CAMTA1: variants seen among roughly 807,000 people sequenced by gnomAD.
CAMTA1 encodes calmodulin binding transcription activator 1.
Under a neutral mutation model 170.9 loss-of-function variants are expected in CAMTA1, and 27 were observed. The observed-to-expected ratio is 0.16, with a 90% CI of 0.12 to 0.22. The LOEUF (loss-of-function observed/expected upper bound fraction) is 0.22. Ranked by LOEUF, CAMTA1 falls within the 10% of genes least tolerant of loss-of-function variation. The pLI, the probability that CAMTA1 is intolerant of heterozygous loss-of-function variation, is 1.00. For missense variants in CAMTA1, 1,619 were observed against 2,217.2 expected (o/e 0.73, Z 5.42); for synonymous variants, 833 against 891.5 (o/e 0.93, Z 1.17).
chr1:7,104,326 CAT>C (rs980829593), intron 4 of CAMTA1, among the ~76,000 whole-genome samples: 18 of 151,878 alleles, frequency 1.2e-4, no homozygotes, highest in African/African-American at 3.6e-4. Context: ...GAAACACACA[CAT>C]ATACATACAT....
At chr1:6,870,788 A>C (rs1332268988) in intron 3 of CAMTA1, among the ~76,000 whole-genome samples, 1 of 152,224 alleles carries the variant, frequency 6.6e-6, no homozygotes, top group African/African-American at 2.4e-5. Flanking sequence ...TCTAGTAAGC[A>C]CTAAGGAATT....
Position 7,747,762 on chromosome 1 carries a change from G to A in CAMTA1, c.4670G>A (p.Cys1557Tyr). The change falls in exon 19 of 23, where the codon TGT (cysteine) becomes TAT (tyrosine). Residue 1557 changes from cysteine to tyrosine, a missense_variant. Transcript: ENST00000303635. ...GTAGCTGCTGCTGTTATTCAGCGTT[G>A]TTACAGAAAATATAAACAGGTAAAC... The part of the protein sequence containing the change: ...QEVAAAVIQR[C>Y]YRKYKQYALY... 5 of 1,612,530 alleles carry A rather than the reference G, an allele frequency of 3.1e-6. No individual in the cohort carries two copies. Among genetic ancestry groups the A allele is most frequent in the Non-Finnish European group, 4.2e-6 (5 of 1,179,396 alleles).
chr1:6,853,953 A>G (rs1661317321), intron 3 of CAMTA1, among the ~76,000 whole-genome samples: 1 of 152,230 alleles, frequency 6.6e-6, no homozygotes, highest in African/African-American at 2.4e-5. Flanking sequence ...ACAAATCTGC[A>G]ATTCATAGTG....
chr1:7,730,578 A>G (rs1558238775), intron 11 of CAMTA1, among the ~76,000 whole-genome samples: 1 of 152,044 alleles, frequency 6.6e-6, no homozygotes, highest in Non-Finnish European at 1.5e-5. Flanking sequence ...TCGCTATTGA[A>G]TATCTGGCAC....
chr1:7,677,572 G>C lies in CAMTA1; in HGVS notation c.2780-27G>C, dbSNP rs781366703. On this transcript the variant is annotated intron_variant, in intron 10 of 22. Transcript: ENST00000303635. ...GGCTGTAGGTACCCACCCATCCCTT[G>C]ACCTGGTCTTTTTCTCTCGCTTTCA... The C allele has an allele frequency of 3.1e-6, 5 of 1,608,524 alleles. No homozygotes were observed. In the Admixed American group the frequency reaches 8.4e-5, roughly 27 times the overall value.
chr1:7,589,509 C>A (rs528410777), intron 6 of CAMTA1, among the ~76,000 whole-genome samples: 12 of 152,186 alleles, frequency 7.9e-5, no homozygotes, highest in Non-Finnish European at 1.8e-4. Flanking sequence ...GCGCTTGTGG[C>A]TTGACGGCTT....
chr1:7,271,155 A>C (rs1669737915), intron 5 of CAMTA1, among the ~76,000 whole-genome samples: 1 of 152,136 alleles, frequency 6.6e-6, no homozygotes, highest in African/African-American at 2.4e-5. Flanking sequence ...ATAGGGATGT[A>C]CCCTTGATCC....
chr1:7,569,837 G>A (rs1245742237), intron 6 of CAMTA1, among the ~76,000 whole-genome samples: 3 of 151,882 alleles, frequency 2.0e-5, no homozygotes, highest in African/African-American at 7.3e-5. Context: ...TATTATTACT[G>A]TACCACCCAG....
chr1:7,091,638 T>G (rs577619102), intron 4 of CAMTA1, among the ~76,000 whole-genome samples: 2 of 152,348 alleles, frequency 1.3e-5, no homozygotes, highest in African/African-American at 4.8e-5. Context: ...CTTGGAAGGC[T>G]TCACAGGCAG....
intron 4 of CAMTA1, among the ~76,000 whole-genome samples, chr1:7,240,674 A>G (rs1192966110): frequency 6.6e-6 from 1 of 151,918 alleles, no homozygotes; most frequent in Non-Finnish European, 1.5e-5. Context: ...GGCATGTGCC[A>G]CCACACTTTG....
intron 6 of CAMTA1, among the ~76,000 whole-genome samples, chr1:7,574,094 C>T (rs2095159547): frequency 8.4e-6 from 1 of 119,030 alleles, no homozygotes; most frequent in Admixed American, 7.3e-5. Context: ...CATAAAGGCT[C>T]AATTTACCTG....
chr1:7,394,821 GTGTGTGTGTGTGTGTGTGTGTC>G (rs1290476302), intron 5 of CAMTA1, among the ~76,000 whole-genome samples: 2 of 140,776 alleles, frequency 1.4e-5, no homozygotes, highest in Non-Finnish European at 3.0e-5. Context: ...TTGTGTGTGT[GTGTGTGTGTGTGTGTGTGTGTC>G]TGTGTGTGTG....
intron 3 of CAMTA1, among the ~76,000 whole-genome samples, chr1:6,860,061 CTTCG>C (rs1239171638): frequency 6.6e-6 from 1 of 151,704 alleles, no homozygotes; most frequent in African/African-American, 2.4e-5. Flanking sequence ...CTAGTAGGTT[CTTCG>C]TTCTTTTTCT....
At chr1:6,810,173 G>T (rs987855911) in intron 1 of CAMTA1, among the ~76,000 whole-genome samples, 1 of 152,222 alleles carries the variant, frequency 6.6e-6, no homozygotes, top group Non-Finnish European at 1.5e-5. Context: ...GCTGGATTGG[G>T]ACTGCTGAAC....
At chr1:7,530,765 AT>A (rs111706934) in intron 6 of CAMTA1, among the ~76,000 whole-genome samples, 57 of 124,844 alleles carry the variant, frequency 4.6e-4, no homozygotes, top group Admixed American at 9.7e-4. Flanking sequence ...CAGAATGTGG[AT>A]TTTTTTTTTT....
chr1:7,507,466 C>G (rs1315979001), intron 6 of CAMTA1, among the ~76,000 whole-genome samples: 1 of 152,216 alleles, frequency 6.6e-6, no homozygotes, highest in Non-Finnish European at 1.5e-5. Flanking sequence ...GCCTCACTTC[C>G]TTTCTCTCTC....
intron 3 of CAMTA1, among the ~76,000 whole-genome samples, chr1:6,860,841 G>A (rs1266592157): frequency 6.6e-6 from 1 of 151,938 alleles, no homozygotes; most frequent in Non-Finnish European, 1.5e-5. Context: ...GAACCCGGGA[G>A]GCAGAAGTTG....
intron 2 of CAMTA1, among the ~76,000 whole-genome samples, chr1:6,823,361 A>G (rs1646738838): frequency 6.6e-6 from 1 of 152,178 alleles, no homozygotes; most frequent in African/African-American, 2.4e-5. Flanking sequence ...CTTTTAGTTG[A>G]ACAGTTTCCT....
chr1:7,454,436 G>C (rs1306155868), intron 5 of CAMTA1, among the ~76,000 whole-genome samples: 1 of 152,198 alleles, frequency 6.6e-6, no homozygotes, highest in African/African-American at 2.4e-5. Context: ...CAAGATCAGG[G>C]TCATCCTTCA....
Sources: gnomAD v4.1 joint callset for allele counts (sites outside exome capture counted in the v4.1 genomes callset) on GRCh38, gnomAD v4.1.1 for gene constraint, MANE v1.5 for transcripts, NCBI Gene and HGNC (gene_info 2026-07-23, HGNC 2026-07-21) for gene names.